SLC38A10: variants seen among roughly 807,000 people sequenced by gnomAD.
SLC38A10 encodes the protein Sodium-coupled neutral amino acid transporter 10.
A neutral mutation model predicts 81.0 loss-of-function variants in SLC38A10; 53 were observed. That is an observed-to-expected ratio of 0.65 (90% confidence interval 0.53 to 0.82). The LOEUF is 0.82. Among genes scored for constraint, SLC38A10 ranks in the 40% least tolerant of loss-of-function variants. The pLI is 0.00. For missense variants in SLC38A10, 1,471 were observed against 1,545.0 expected, an observed-to-expected ratio of 0.95 and a Z score of 0.80; for synonymous variants, 665 against 655.3, an observed-to-expected ratio of 1.01 and a Z score of -0.23.
chr17:81,290,074 G>A (rs531983393), intron 1 of SLC38A10, among the ~76,000 whole-genome samples: 3 of 152,168 alleles, frequency 2.0e-5, no homozygotes, highest in Non-Finnish European at 2.9e-5. Context: ...CATGGACAGC[G>A]GGGTGCTGCC....
chr17:81,271,686 G>A (rs367978742), intron 9 of SLC38A10, among the ~76,000 whole-genome samples: 8 of 152,026 alleles, frequency 5.3e-5, no homozygotes, highest in Non-Finnish European at 1.0e-4. Flanking sequence ...CCTGTGTCCC[G>A]GCACTGCAGT....
chr17:81,292,268 A>G (rs766303572), intron 1 of SLC38A10, among the ~76,000 whole-genome samples: 2 of 152,026 alleles, frequency 1.3e-5, no homozygotes, highest in Non-Finnish European at 2.9e-5. Flanking sequence ...CTGGGACTAC[A>G]GGCGCCTGAC....
chr17:81,294,870 T>C lies in SLC38A10; in HGVS notation c.52A>G (p.Ser18Gly). Residue 18 changes from serine to glycine, a missense_variant, in exon 1 of 16, where the codon AGC becomes GGC. Around this residue, in one of 2 missense-constraint regions of SLC38A10, gnomAD observed 720 missense variants for 827.7 expected, o/e 0.87. Coordinates refer to ENST00000374759, the MANE Select transcript of SLC38A10 (RefSeq NM_001037984.3). ...NWGLITNIVN[S>G]IVGVSVLTMP... is the part of the protein sequence containing the mutation. The stretch of plus-strand genomic sequence containing the variant: ...GTGAGGACACTGACCCCTACGATGC[T>C]GTTCACGATGTTCGTGATCAGCCCC... The C allele has an allele frequency of 3.1e-6, 5 of 1,598,028 alleles. No individual in the cohort carries two copies. Among genetic ancestry groups the C allele is most frequent in the South Asian group, 1.1e-5 (1 of 88,778 alleles).
rs2063211581 is a variant in SLC38A10, at chr17:81,281,447, G to A, written c.502-714C>T. On this transcript the variant is annotated intron_variant, in intron 5 of 15. Coordinates refer to ENST00000374759, the MANE Select transcript of SLC38A10 (RefSeq NM_001037984.3). This position sits in a 1 kb window ranked among gnomAD's most constrained non-coding sequence, Gnocchi z 5.3. ...TGTTCTCAGTGCCAACTCCACAGCT[G>A]GCCCCTAGTCCATCCTATTATAAAT... Among the ~76,000 whole-genome samples, 1 of 152,132 alleles carries A rather than the reference G, an allele frequency of 6.6e-6. No individual in the cohort carries two copies. Among genetic ancestry groups the A allele is most frequent in the Non-Finnish European group, 1.5e-5 (1 of 68,028 alleles).
chr17:81,254,153 C>T lies in SLC38A10; in HGVS notation c.1289-913G>A, dbSNP rs1203462740. 6.6e-5 allele frequency among the ~76,000 whole-genome samples: 10 copies of T among 152,170 alleles called. No homozygotes were observed. The South Asian group carries it at 1.7e-3, about 25-fold the overall frequency. On this transcript the variant is annotated intron_variant, in intron 11 of 15. Transcript: ENST00000374759. ...TGTCCACTGAGACAGGCGCTGCAGC[C>T]GAGGGGGACTCAGGTGAAGCTGTCT...
Position 81,253,376 on chromosome 17 carries a change from C to T in SLC38A10, c.1289-136G>A. The T allele has an allele frequency of 9.4e-7, 1 of 1,066,934 alleles. No homozygotes were observed. The highest frequency in any genetic ancestry group is 1.3e-6 in the Non-Finnish European group (1 of 758,994). The allele number at this position is 1,066,934 out of a possible 1,614,324, so 66.1% of individuals were successfully genotyped here. A position where few individuals can be genotyped will look rare whatever the true frequency, so the allele number is the denominator to read the frequency against. ...TTTCTTTTTCCTGTTCGATCATTAG[C>T]AGCTAAGTAGCACAGAAAACTGTCA... On this transcript the variant is annotated intron_variant, in intron 11 of 15. Coordinates refer to ENST00000374759, the MANE Select transcript of SLC38A10 (RefSeq NM_001037984.3). This position sits in a 1 kb window ranked among gnomAD's most constrained non-coding sequence, Gnocchi z 4.1.
rs1275323839 is a variant in SLC38A10, at chr17:81,283,277, T to C, written c.357+132A>G. ...AAGCCCCCGCACTCCACCAAGCCCC[T>C]AGAATGACAGCAGGCTCGACAGAAG... is the stretch of plus-strand genomic sequence containing the variant. On this transcript the variant is annotated intron_variant, in intron 4 of 15. Transcript: ENST00000374759. The surrounding 1 kb of genome is among the most constrained non-coding windows in gnomAD (Gnocchi z 4.7). 6.6e-6 allele frequency: 5 copies of C among 754,206 alleles called. No individual in the cohort carries two copies. The highest frequency in any genetic ancestry group is 3.3e-5 in the South Asian group (2 of 60,732). The allele number at this position is 754,206 out of a possible 1,614,324, so 46.7% of individuals were successfully genotyped here.
At chr17:81,282,563 C>T (rs1322563419) in intron 4 of SLC38A10, among the ~76,000 whole-genome samples, 1 of 152,224 alleles carries the variant, frequency 6.6e-6, no homozygotes, top group Non-Finnish European at 1.5e-5. Context: ...CAGCCCAGCC[C>T]CACAGCGAGA....
chr17:81,284,785 C>T lies in SLC38A10; in HGVS notation c.263+65G>A, dbSNP rs74767304. 392 of 1,153,642 alleles carry T rather than the reference C, an allele frequency of 3.4e-4. 1 individual carries two copies. In the African/African-American group the frequency reaches 4.8e-3, roughly 14 times the overall value. 71.5% of individuals were successfully genotyped at this position (1,153,642 alleles called of 1,614,324 possible). A position where few individuals can be genotyped will look rare whatever the true frequency, so the allele number is the denominator to read the frequency against. On this transcript the variant is annotated intron_variant, in intron 3 of 15. Coordinates refer to ENST00000374759, the MANE Select transcript of SLC38A10 (RefSeq NM_001037984.3). ...CTGGGGATGAAACTGCCGCTCCCACCGGGAGGGTCCCCAGTGTCTGGGTGC... is the reference window on the plus strand; with the variant it reads ...CTGGGGATGAAACTGCCGCTCCCACTGGGAGGGTCCCCAGTGTCTGGGTGC...
intron 14 of SLC38A10, among the ~76,000 whole-genome samples, chr17:81,248,993 G>A (rs1003641536): frequency 2.6e-5 from 4 of 152,196 alleles, no homozygotes; most frequent in Non-Finnish European, 4.4e-5. Context: ...CACCTCGGCC[G>A]TGGGCCACGT....
chr17:81,291,593 C>T (rs988567276), intron 1 of SLC38A10, among the ~76,000 whole-genome samples: 2 of 152,100 alleles, frequency 1.3e-5, no homozygotes, highest in Non-Finnish European at 2.9e-5. Context: ...CCAATGCTAC[C>T]GGGGATGCGG....
intron 10 of SLC38A10, among the ~76,000 whole-genome samples, chr17:81,262,096 C>T (rs897380665): frequency 2.0e-5 from 3 of 152,224 alleles, no homozygotes; most frequent in African/African-American, 7.2e-5. Context: ...CCGGAACTCT[C>T]GCGAGGCTGC....
Position 81,288,675 on chromosome 17 carries a change from A to G in SLC38A10, c.217+1016T>C, listed in dbSNP as rs1241259815. 6.6e-6 allele frequency: 1 copy of G among 152,410 alleles called. No homozygotes were observed. Among genetic ancestry groups the G allele is most frequent in the Non-Finnish European group, 1.5e-5 (1 of 68,130 alleles). 9.4% of individuals were successfully genotyped at this position (152,410 alleles called of 1,614,324 possible). On this transcript the variant is annotated intron_variant, in intron 2 of 15. Coordinates refer to ENST00000374759, the MANE Select transcript of SLC38A10 (RefSeq NM_001037984.3). This position sits in a 1 kb window ranked among gnomAD's most constrained non-coding sequence, Gnocchi z 5.4. ...CTCCTGGCTGAAACAGCATTAAAGC[A>G]AGAAAGAACTAAGGGAAACAAAACT...
chr17:81,293,965 A>T (rs879903002), intron 1 of SLC38A10, among the ~76,000 whole-genome samples: 1 of 151,912 alleles, frequency 6.6e-6, no homozygotes, highest in Non-Finnish European at 1.5e-5. Flanking sequence ...TGTATTTGAG[A>T]TTTTTTCCAA....
rs2062858573 is a variant in SLC38A10 at position 81,247,011 on chromosome 17, T to A, written c.2116A>T (p.Lys706Ter). 6.2e-7 allele frequency: 1 copy of A among 1,604,308 alleles called. No individual in the cohort carries two copies. The highest frequency in any genetic ancestry group is 8.5e-7 in the Non-Finnish European group (1 of 1,179,414). ...LDHAVLLQVI[K>*]EQQVQQKRLL... ...CGCTTTTGCTGCACCTGCTGTTCTT[T>A]GATCACCTGAAGCAGGACGGCGTGG... The change falls in exon 15 of 16, where the codon AAA becomes TAA. Residue 706 changes from lysine to a stop codon, truncating the protein, a stop_gained. Coordinates refer to ENST00000374759, the MANE Select transcript of SLC38A10 (RefSeq NM_001037984.3). LOFTEE classifies it high-confidence loss of function.
chr17:81,255,148 C>A (rs771777864), intron 11 of SLC38A10, among the ~76,000 whole-genome samples: 1 of 152,242 alleles, frequency 6.6e-6, no homozygotes, highest in Non-Finnish European at 1.5e-5. Context: ...GGGAACGCCA[C>A]GCCTCTCAGC....
chr17:81,261,493 T>C (rs1346313154), intron 10 of SLC38A10, among the ~76,000 whole-genome samples: 1 of 152,202 alleles, frequency 6.6e-6, no homozygotes, highest in Non-Finnish European at 1.5e-5. Flanking sequence ...TTCTGAAAGG[T>C]ATGTCGATTC....
chr17:81,283,929 G>A lies in SLC38A10; in HGVS notation c.264-427C>T, dbSNP rs752802956. On this transcript the variant is annotated intron_variant, in intron 3 of 15. Coordinates refer to ENST00000374759, the MANE Select transcript of SLC38A10 (RefSeq NM_001037984.3). The surrounding 1 kb of genome is among the most constrained non-coding windows in gnomAD (Gnocchi z 4.7). ...CTGGCCAACAGATGTGATTTCAAAC[G>A]CGCCCCAGTTCACAGGGCGCGGGCA... is the stretch of plus-strand genomic sequence containing the variant. Among the ~76,000 whole-genome samples the A allele has an allele frequency of 2.0e-5, 3 of 151,020 alleles. No individual in the cohort carries two copies. The highest frequency in any genetic ancestry group is 1.3e-4 in the Admixed American group (2 of 15,162).
Position 81,283,812 on chromosome 17 carries a change from T to C in SLC38A10, c.264-310A>G, listed in dbSNP as rs1159779190. Among the ~76,000 whole-genome samples the C allele has an allele frequency of 6.6e-6, 1 of 151,488 alleles. No homozygotes were observed. The highest frequency in any genetic ancestry group is 1.5e-5 in the Non-Finnish European group (1 of 67,874). On this transcript the variant is annotated intron_variant, in intron 3 of 15. Transcript: ENST00000374759. The surrounding 1 kb of genome is among the most constrained non-coding windows in gnomAD (Gnocchi z 4.7). ...TTTTAGTAGAGACGGGGTTGCACCG[T>C]GTTAGCCAGGATGGTCTCGATCTCC...
Sources: gnomAD v4.1 joint callset for allele counts (sites outside exome capture counted in the v4.1 genomes callset) on GRCh38, gnomAD v4.1.1 for gene constraint, gnomAD v4.1.1 regional missense constraint, Gnocchi (gnomAD v3.1) non-coding constraint, MANE v1.5 for transcripts, NCBI Gene and HGNC (gene_info 2026-07-23, HGNC 2026-07-21) for gene names.